The following CAMK4 variants were observed in gnomAD, a reference collection of about 807,000 sequenced individuals.
The protein encoded by CAMK4 is calcium/calmodulin dependent protein kinase IV, also known as calcium/calmodulin-dependent protein kinase type IV.
Under a neutral mutation model 44.9 loss-of-function variants are expected in CAMK4, and 22 were observed. The ratio of observed to expected loss-of-function variants is 0.49; its 90% CI spans 0.35 to 0.70. The LOEUF is 0.70. Among genes scored for constraint, CAMK4 ranks in the 30% least tolerant of loss-of-function variants. The probability of loss-of-function intolerance (pLI) is 0.01; values close to 1 mark genes in which losing one functional copy is unlikely to be tolerated. For synonymous variants in CAMK4, 218 were observed against 215.4 expected, an observed-to-expected ratio of 1.01 and a Z score of -0.11; for missense variants, 498 against 586.8, an observed-to-expected ratio of 0.85 and a Z score of 1.56.
intron 1 of CAMK4, among the ~76,000 whole-genome samples, chr5:111,322,733 AATT>A (rs1296952295): frequency 6.6e-6 from 1 of 152,114 alleles, no homozygotes; most frequent in African/African-American, 2.4e-5. Context: ...CTGTAAAACA[AATT>A]ATTAATATAT....
chr5:111,324,019 T>C (rs1044077421), intron 1 of CAMK4, among the ~76,000 whole-genome samples: 1 of 152,032 alleles, frequency 6.6e-6, no homozygotes, highest in Non-Finnish European at 1.5e-5. Flanking sequence ...TATTTTACAG[T>C]GTAAACTGAG....
At chr5:111,288,848 A>G (rs1330697534) in intron 1 of CAMK4, among the ~76,000 whole-genome samples, 1 of 152,234 alleles carries the variant, frequency 6.6e-6, no homozygotes, top group African/African-American at 2.4e-5. Flanking sequence ...CAGTCTCAGA[A>G]GATTGTTCCA....
At chr5:111,238,901 G>T (rs1449096531) in intron 1 of CAMK4, among the ~76,000 whole-genome samples, 1 of 131,656 alleles carries the variant, frequency 7.6e-6, no homozygotes, top group Non-Finnish European at 1.5e-5. Context: ...CAATTCTTCT[G>T]TGGCTACATC....
At chr5:111,298,762 C>G (rs1747596482) in intron 1 of CAMK4, among the ~76,000 whole-genome samples, 1 of 152,230 alleles carries the variant, frequency 6.6e-6, no homozygotes, top group South Asian at 2.1e-4. Context: ...TGAGGTTGAT[C>G]AGATGAGAAA....
intron 5 of CAMK4, among the ~76,000 whole-genome samples, chr5:111,436,169 GA>G (rs1483739200): frequency 1.3e-5 from 2 of 152,162 alleles, no homozygotes; most frequent in Non-Finnish European, 2.9e-5. Context: ...GTTTTGAATT[GA>G]ATCTAAGAAA....
chr5:111,341,918 T>G (rs2112748337), intron 1 of CAMK4, among the ~76,000 whole-genome samples: 1 of 151,580 alleles, frequency 6.6e-6, no homozygotes, highest in East Asian at 1.9e-4. Context: ...ATATGACAAC[T>G]GTTCTTTATT....
intron 7 of CAMK4, 106 bp from the exon 8 acceptor site, chr5:111,473,205 C>A: frequency 1.2e-6 from 1 of 802,792 alleles, no homozygotes; most frequent in Non-Finnish European, 2.2e-6. Context: ...GGTTATAAAA[C>A]TGTTCAGAAA....
chr5:111,383,489 C>A (rs77636885), intron 4 of CAMK4, among the ~76,000 whole-genome samples: 3,085 of 152,280 alleles, frequency 0.02, 58 homozygotes, highest in Non-Finnish European at 0.032. Flanking sequence ...CCTTATTACT[C>A]ATGGCACAGC....
At chr5:111,418,357 C>T (rs1369576336) in intron 5 of CAMK4, among the ~76,000 whole-genome samples, 1 of 152,086 alleles carries the variant, frequency 6.6e-6, no homozygotes, top group African/African-American at 2.4e-5. Flanking sequence ...AGGACAAGAT[C>T]ACAGGACCAC....
chr5:111,480,249 AACACACAC>A (rs532395570), intron 9 of CAMK4, among the ~76,000 whole-genome samples: 1,503 of 121,264 alleles, frequency 0.012, 39 homozygotes, highest in African/African-American at 0.046. Flanking sequence ...TAGGCATGTA[AACACACAC>A]ACACACACAC....
intron 5 of CAMK4, among the ~76,000 whole-genome samples, chr5:111,429,336 A>G (rs909704755): frequency 6.6e-6 from 1 of 152,228 alleles, no homozygotes; most frequent in Admixed American, 6.5e-5. Context: ...TTCAAAGGTA[A>G]TTAGTGCTAC....
intron 1 of CAMK4, among the ~76,000 whole-genome samples, chr5:111,297,665 G>C (rs1421579226): frequency 6.6e-6 from 1 of 152,032 alleles, no homozygotes; most frequent in Non-Finnish European, 1.5e-5. Context: ...CACTCTCATT[G>C]GCTGGGCCTT....
chr5:111,426,636 AC>A (rs1753235260), intron 5 of CAMK4, among the ~76,000 whole-genome samples: 1 of 151,778 alleles, frequency 6.6e-6, no homozygotes, highest in Non-Finnish European at 1.5e-5. Flanking sequence ...CACTAACGCC[AC>A]CCCTCCCCCA....
chr5:111,256,390 C>T (rs1157076947), intron 1 of CAMK4, among the ~76,000 whole-genome samples: 1 of 151,964 alleles, frequency 6.6e-6, no homozygotes, highest in Non-Finnish European at 1.5e-5. Context: ...GATTAATCAA[C>T]ATGTGAGAAA....
In CAMK4 at chr5:111,318,871, A is replaced by T. The variant is rs377736667; in HGVS notation, c.162-25153A>T. On this transcript the variant is annotated intron_variant, in intron 1 of 10. Coordinates refer to ENST00000282356, the MANE Select transcript of CAMK4 (RefSeq NM_001744.6). ...CAGTCTTATGATGCAAATACTGTTG[A>T]CAAAGATGGAAAACAGTAAGTAGAT... 9.8e-5 allele frequency among the ~76,000 whole-genome samples: 15 copies of T among 152,298 alleles called. No individual in the cohort carries two copies. The South Asian group carries it at 1.7e-3, about 17-fold the overall frequency.
chr5:111,273,736 C>T (rs1476317404), intron 1 of CAMK4, among the ~76,000 whole-genome samples: 20 of 135,218 alleles, frequency 1.5e-4, no homozygotes, highest in South Asian at 4.7e-4. Flanking sequence ...CATACATACA[C>T]ACACACACGC....
intron 1 of CAMK4, among the ~76,000 whole-genome samples, chr5:111,330,055 T>G (rs1330588330): frequency 2.6e-5 from 4 of 151,096 alleles, no homozygotes; most frequent in East Asian, 3.9e-4. Flanking sequence ...AAAACATATT[T>G]TTTTTGGTAG....
intron 2 of CAMK4, among the ~76,000 whole-genome samples, chr5:111,364,131 G>A (rs1484854235): frequency 6.6e-6 from 1 of 152,060 alleles, no homozygotes; most frequent in Non-Finnish European, 1.5e-5. Context: ...TTTCTGTGAA[G>A]GGAAGCAGAG....
intron 1 of CAMK4, among the ~76,000 whole-genome samples, chr5:111,259,477 C>T (rs1053552773): frequency 5.3e-5 from 8 of 152,074 alleles, no homozygotes; most frequent in Admixed American, 1.3e-4. Flanking sequence ...GGAAAAAATA[C>T]GAAAGCAAAG....
Sources: gnomAD v4.1 joint callset for allele counts (sites outside exome capture counted in the v4.1 genomes callset) on GRCh38, gnomAD v4.1.1 for gene constraint, MANE v1.5 for transcripts, NCBI Gene and HGNC (gene_info 2026-07-23, HGNC 2026-07-21) for gene names.